The following LRRC40 variants were observed in gnomAD, a reference collection of about 807,000 sequenced individuals.
LRRC40 encodes the protein leucine-rich repeat-containing protein 40.
A neutral mutation model predicts 72.8 loss-of-function variants in LRRC40; 76 were observed. The ratio of observed to expected loss-of-function variants is 1.04; its 90% CI spans 0.87 to 1.26. The LOEUF is 1.26. Among genes scored for constraint, LRRC40 ranks in the 50% most tolerant of loss-of-function variants. LRRC40 has a pLI of 0.00. For missense variants in LRRC40, 684 were observed against 698.9 expected, an observed-to-expected ratio of 0.98 and a Z score of 0.24; for synonymous variants, 243 against 254.2, an observed-to-expected ratio of 0.96 and a Z score of 0.42.
intron 9 of LRRC40, among the ~76,000 whole-genome samples, chr1:70,168,957 G>T (rs974475327): frequency 6.6e-6 from 1 of 152,116 alleles, no homozygotes; most frequent in African/African-American, 2.4e-5. Flanking sequence ...CCTATGTCAA[G>T]AAACAAGATC....
chr1:70,198,728 T>A (rs925640699), intron 1 of LRRC40, among the ~76,000 whole-genome samples: 9 of 152,024 alleles, frequency 5.9e-5, no homozygotes, highest in Non-Finnish European at 2.9e-5. Context: ...GAATACATAT[T>A]AATTAATAGT....
chr1:70,205,415 G>A lies in LRRC40; in HGVS notation c.126C>T (p.Asn42=), dbSNP rs745855856. The A allele has an allele frequency of 3.7e-6, 6 of 1,600,924 alleles. No homozygotes were observed. The South Asian group carries it at 5.6e-5, about 15-fold the overall frequency. Residue 42 remains asparagine (N), a synonymous_variant, in exon 1 of 15, where the codon AAC becomes AAT. Coordinates refer to ENST00000370952, the MANE Select transcript of LRRC40 (RefSeq NM_017768.5). ...LKAARKSGQL[N]LSGRNLSEVP... ...CTTCACTGAGGTTTCTACCCGACAG[G>A]TTTAACTGGCCGCTCTTCCTCGCTG...
chr1:70,176,464 G>A (rs969897770), intron 6 of LRRC40, among the ~76,000 whole-genome samples: 7 of 150,100 alleles, frequency 4.7e-5, no homozygotes, highest in South Asian at 2.1e-4. Context: ...CCCAGGAGGC[G>A]GAGGTTGCAG....
chr1:70,174,021 T>C (rs1668052100), intron 7 of LRRC40, among the ~76,000 whole-genome samples: 1 of 152,020 alleles, frequency 6.6e-6, no homozygotes, highest in Non-Finnish European at 1.5e-5. Context: ...TGATTCAAGA[T>C]AGACATCCTC....
chr1:70,202,220 C>G (rs1055326057), intron 1 of LRRC40, among the ~76,000 whole-genome samples: 5 of 152,168 alleles, frequency 3.3e-5, no homozygotes, highest in African/African-American at 1.2e-4. Context: ...GAACATATAT[C>G]CAGACAAAAA....
intron 7 of LRRC40, among the ~76,000 whole-genome samples, chr1:70,175,522 T>C (rs1210687578): frequency 1.3e-5 from 2 of 152,124 alleles, no homozygotes; most frequent in East Asian, 3.9e-4. Flanking sequence ...AATTTAGTTC[T>C]AGGGGGTAAC....
In LRRC40 at chr1:70,205,517, C is replaced by G. The variant is rs768292738; in HGVS notation, c.24G>C (p.Ala8=). The G allele has an allele frequency of 1.0e-5, 16 of 1,598,858 alleles. No individual in the cohort carries two copies. The South Asian group carries it at 1.7e-4, about 17-fold the overall frequency. ...TGAAACCAGCGCGGAGATCCTGCCC[C>G]GCTATCCGCTTCAGGCGCGACATGT... MSRLKRI[A]GQDLRAGFKA... is the part of the protein sequence containing the mutation. Residue 8 remains alanine (A), a synonymous_variant, in exon 1 of 15, where the codon GCG becomes GCC. Coordinates refer to ENST00000370952, the MANE Select transcript of LRRC40 (RefSeq NM_017768.5).
At chr1:70,189,040 A>T in intron 2 of LRRC40, 52 bp downstream of exon 2, 1 of 1,486,926 alleles carries the variant, frequency 6.7e-7, no homozygotes, top group Non-Finnish European at 9.1e-7. Flanking sequence ...GCCTAAATTT[A>T]GCTTTAGAGT....
chr1:70,182,593 C>T (rs1166605806), intron 4 of LRRC40, among the ~76,000 whole-genome samples: 1 of 151,674 alleles, frequency 6.6e-6, no homozygotes, highest in Non-Finnish European at 1.5e-5. Context: ...TTCTAATAAA[C>T]CCCCTTGTAA....
At chr1:70,182,503 A>C (rs1668268386) in intron 4 of LRRC40, among the ~76,000 whole-genome samples, 1 of 152,052 alleles carries the variant, frequency 6.6e-6, no homozygotes, top group African/African-American at 2.4e-5. Flanking sequence ...ATTATTCTAA[A>C]ATAAAAAGCC....
intron 5 of LRRC40, chr1:70,180,455 TAAAC>T (rs1026309053): frequency 2.6e-5 from 4 of 152,290 alleles, no homozygotes; most frequent in East Asian, 3.9e-4. Context: ...ACAGTTTCTT[TAAAC>T]AAACAAACAA....
chr1:70,160,406 G>A (rs887892409), intron 9 of LRRC40, among the ~76,000 whole-genome samples: 1 of 152,102 alleles, frequency 6.6e-6, no homozygotes, highest in East Asian at 1.9e-4. Flanking sequence ...AGTATCATAT[G>A]AATACTTTAT....
chr1:70,195,299 G>A (rs1340327234), intron 1 of LRRC40, among the ~76,000 whole-genome samples: 1 of 151,250 alleles, frequency 6.6e-6, no homozygotes. Flanking sequence ...GACAGATACT[G>A]ATATAGATAT....
Position 70,173,494 on chromosome 1 carries a change from A to T in LRRC40, c.1082T>A (p.Val361Asp). 6.2e-7 allele frequency: 1 copy of T among 1,608,426 alleles called. No individual in the cohort carries two copies. The highest frequency in any genetic ancestry group is 8.5e-7 in the Non-Finnish European group (1 of 1,175,412). Residue 361 changes from valine to aspartate, a missense_variant, in exon 9 of 15, where the codon GTC (valine) becomes GAC (aspartate). By Grantham distance (152) the Val-to-Asp change is radical. Transcript: ENST00000370952. ...GATCTTGCTTCGTAGATATTTTAGG[A>T]CTTCTTGTGTTCCTTTCTAGAAGGG... Reference protein sequence around the residue: ...REIISKGTQEVLKYLRSKIKD... With the variant: ...REIISKGTQEDLKYLRSKIKD...
chr1:70,184,939 G>A (rs1440241608), intron 3 of LRRC40, 25 bp from the exon 4 acceptor site: 1 of 1,542,626 alleles, frequency 6.5e-7, no homozygotes, highest in South Asian at 1.2e-5. Flanking sequence ...AATAAATGAT[G>A]AATAATTTAG....
At chr1:70,201,531 TCAA>T (rs1420801314) in intron 1 of LRRC40, among the ~76,000 whole-genome samples, 2 of 151,926 alleles carry the variant, frequency 1.3e-5, no homozygotes, top group African/African-American at 2.4e-5. Flanking sequence ...ACAACTATGA[TCAA>T]CAACAAGGAA....
chr1:70,195,557 A>G (rs966287658), intron 1 of LRRC40, among the ~76,000 whole-genome samples: 1 of 152,222 alleles, frequency 6.6e-6, no homozygotes, highest in African/African-American at 2.4e-5. Flanking sequence ...AAGTGCTGGT[A>G]ATGAGGTGGA....
intron 13 of LRRC40, among the ~76,000 whole-genome samples, chr1:70,150,248 T>C (rs1667441511): frequency 6.6e-6 from 1 of 152,188 alleles, no homozygotes; most frequent in Non-Finnish European, 1.5e-5. Flanking sequence ...AAATTGTTTT[T>C]AGAATCCATT....
At chr1:70,178,066 A>G (rs1668148958) in intron 6 of LRRC40, among the ~76,000 whole-genome samples, 1 of 152,224 alleles carries the variant, frequency 6.6e-6, no homozygotes, top group African/African-American at 2.4e-5. Context: ...TTATGTGTTA[A>G]CCATTTGTTC....
Sources: allele counts gnomAD v4.1 joint callset (sites outside exome capture counted in the v4.1 genomes callset), GRCh38; gene constraint gnomAD v4.1.1; transcripts MANE v1.5; gene names NCBI Gene and HGNC (gene_info 2026-07-23, HGNC 2026-07-21).